The following SLC1A3 variants were observed in gnomAD, a reference collection of about 807,000 sequenced individuals.
SLC1A3 encodes the protein excitatory amino acid transporter 1.
A neutral mutation model predicts 48.1 loss-of-function variants in SLC1A3; 21 were observed. The ratio of observed to expected loss-of-function variants is 0.44; its 90% CI spans 0.31 to 0.63. The LOEUF is 0.63. SLC1A3 is among the 20% of genes least tolerant of loss of function. SLC1A3 has a pLI of 0.08. For synonymous variants in SLC1A3, 239 were observed against 251.4 expected, an observed-to-expected ratio of 0.95 and a Z score of 0.47; for missense variants, 546 against 689.0, an observed-to-expected ratio of 0.79 and a Z score of 2.32.
In SLC1A3 at chr5:36,683,400, ATT is replaced by A. The variant is rs11284735; in HGVS notation, c.1290-452_1290-451del. Among the ~76,000 whole-genome samples, 637 of 148,904 alleles carry A rather than the reference ATT, an allele frequency of 4.3e-3. 11 individuals are homozygous for A. The highest frequency in any genetic ancestry group is 0.015 in the African/African-American group (607 of 40,778). ...ATTAGTTAGCATGATGATTAGTTCAATTTTTTTTTTTTTAATCTCATTTACGG... is the reference window on the plus strand; with the variant it reads ...ATTAGTTAGCATGATGATTAGTTCAATTTTTTTTTTTAATCTCATTTACGG... On this transcript the variant is annotated intron_variant, in intron 8 of 9. Transcript: ENST00000265113.
At chr5:36,642,219 A>G (rs1579987007) in intron 3 of SLC1A3, among the ~76,000 whole-genome samples, 1 of 152,338 alleles carries the variant, frequency 6.6e-6, no homozygotes, top group East Asian at 1.9e-4. Flanking sequence ...AAGTCACCAT[A>G]TAACTTCCCG....
intron 3 of SLC1A3, among the ~76,000 whole-genome samples, chr5:36,659,908 C>T (rs1307337933): frequency 3.3e-5 from 5 of 152,204 alleles, no homozygotes; most frequent in African/African-American, 9.6e-5. Context: ...CTGAATGTAA[C>T]TTCACTACCT....
intron 3 of SLC1A3, among the ~76,000 whole-genome samples, chr5:36,659,053 A>G (rs146262729): frequency 0.015 from 2,253 of 152,298 alleles, 24 homozygotes; most frequent in Non-Finnish European, 0.023. Context: ...TACTATCACA[A>G]TTCCACATTG....
chr5:36,622,802 G>A (rs1383654428), intron 2 of SLC1A3, among the ~76,000 whole-genome samples: 1 of 152,072 alleles, frequency 6.6e-6, no homozygotes, highest in South Asian at 2.1e-4. Context: ...ACGAGGTCAG[G>A]AGATCGAGAC....
chr5:36,665,802 A>G (rs1161577163), intron 3 of SLC1A3, among the ~76,000 whole-genome samples: 1 of 152,128 alleles, frequency 6.6e-6, no homozygotes, highest in Non-Finnish European at 1.5e-5. Flanking sequence ...ACTCTTAACC[A>G]CTGTGCCACT....
rs567851784 is a variant in SLC1A3 at position 36,649,926 on chromosome 5, T to C, written c.319+20339T>C. Among the ~76,000 whole-genome samples, 5 of 152,368 alleles carry C rather than the reference T, an allele frequency of 3.3e-5. No individual in the cohort carries two copies. The South Asian group carries it at 8.3e-4, about 25-fold the overall frequency. Reference sequence around the variant, plus strand: ...ATGGGCCTTCCCCATTGAAAATCACTGTGTGAGTTTTCCAAAAACAATTAA... The same window carrying C: ...ATGGGCCTTCCCCATTGAAAATCACCGTGTGAGTTTTCCAAAAACAATTAA... On this transcript the variant is annotated intron_variant, in intron 3 of 9. Coordinates refer to ENST00000265113, the MANE Select transcript of SLC1A3 (RefSeq NM_004172.5).
chr5:36,607,782 A>G (rs1464987027), intron 1 of SLC1A3, among the ~76,000 whole-genome samples: 1 of 152,222 alleles, frequency 6.6e-6, no homozygotes, highest in Non-Finnish European at 1.5e-5. Flanking sequence ...TTTTATGACC[A>G]TATTTACTAG....
At chr5:36,677,224 G>T in intron 6 of SLC1A3, 40 bp downstream of exon 6, 1 of 1,558,420 alleles carries the variant, frequency 6.4e-7, no homozygotes, top group South Asian at 1.1e-5. Flanking sequence ...TATACGAGAT[G>T]GTTATTGCCA....
Position 36,650,519 on chromosome 5 carries a change from C to T in SLC1A3, c.320-20510C>T, listed in dbSNP as rs141847541. ...TAGCTCTCACATTCTCTATCACCAG[C>T]TTTATCTCTGTCTTCCTTTCCCACC... is the stretch of plus-strand genomic sequence containing the variant. On this transcript the variant is annotated intron_variant, in intron 3 of 9. Coordinates refer to ENST00000265113, the MANE Select transcript of SLC1A3 (RefSeq NM_004172.5). Among the ~76,000 whole-genome samples, 143 of 152,278 alleles carry T rather than the reference C, an allele frequency of 9.4e-4. 2 individuals carry two copies. In the East Asian group the frequency reaches 0.02, roughly 22 times the overall value.
At chr5:36,598,530 A>G (rs984723332) in intron 1 of SLC1A3, among the ~76,000 whole-genome samples, 4 of 152,256 alleles carry the variant, frequency 2.6e-5, no homozygotes, top group East Asian at 1.9e-4. Flanking sequence ...AGACTCTTCT[A>G]TAAAGAGCAA....
chr5:36,673,952 T>C, intron 4 of SLC1A3, 97 bp from the exon 5 acceptor site: 1 of 949,876 alleles, frequency 1.1e-6, no homozygotes, highest in Non-Finnish European at 1.7e-6. Context: ...TGTTGCTTGG[T>C]TCAATGCAAT....
chr5:36,685,067 G>A (rs1034576081), intron 9 of SLC1A3, among the ~76,000 whole-genome samples: 1 of 151,830 alleles, frequency 6.6e-6, no homozygotes, highest in East Asian at 1.9e-4. Flanking sequence ...TGATCTATAT[G>A]GGTTGTATCT....
chr5:36,652,470 C>G (rs1379134545), intron 3 of SLC1A3, among the ~76,000 whole-genome samples: 3 of 152,088 alleles, frequency 2.0e-5, no homozygotes, highest in African/African-American at 7.2e-5. Flanking sequence ...GGCATCTCTC[C>G]CTCCCCTGCA....
intron 9 of SLC1A3, among the ~76,000 whole-genome samples, chr5:36,684,223 C>T (rs1295703604): frequency 6.6e-6 from 1 of 152,250 alleles, no homozygotes; most frequent in Non-Finnish European, 1.5e-5. Flanking sequence ...GCACATCTGG[C>T]TGCCACACAT....
chr5:36,623,677 A>C (rs1342227825), intron 2 of SLC1A3, among the ~76,000 whole-genome samples: 1 of 150,580 alleles, frequency 6.6e-6, no homozygotes, highest in Non-Finnish European at 1.5e-5. Context: ...AACAATGTGA[A>C]ATACCGTCTC....
chr5:36,612,020 C>T (rs971858971), intron 2 of SLC1A3, among the ~76,000 whole-genome samples: 7 of 152,136 alleles, frequency 4.6e-5, no homozygotes, highest in African/African-American at 1.7e-4. Context: ...AAGGCATTCA[C>T]AAACACAGTA....
intron 1 of SLC1A3, among the ~76,000 whole-genome samples, chr5:36,597,129 C>T (rs753006413): frequency 3.3e-5 from 5 of 150,762 alleles, no homozygotes. Flanking sequence ...GGTGTTACTG[C>T]TCGTTCTGCC....
At chr5:36,681,158 A>G (rs1211811213) in intron 8 of SLC1A3, among the ~76,000 whole-genome samples, 1 of 152,220 alleles carries the variant, frequency 6.6e-6, no homozygotes, top group Non-Finnish European at 1.5e-5. Context: ...TCTGTAAGTG[A>G]CCATTGTTCA....
At position 36,676,947 on chromosome 5, in the gene SLC1A3, C is replaced by T. The variant is rs778074144; in HGVS notation, c.623C>T (p.Thr208Met). 1.0e-4 allele frequency: 166 copies of T among 1,613,822 alleles called. No homozygotes were observed. The highest frequency in any genetic ancestry group is 1.4e-4 in the Non-Finnish European group (160 of 1,179,902). ...AAAGTGCCCATCCAGGCCAACGAAA[C>T]GCTTGTGGGTGCTGTGATAAACAAT... ...SFKVPIQANE[T>M]LVGAVINNVS... Residue 208 changes from threonine (T) to methionine (M), a missense_variant, in exon 6 of 10, where the codon ACG becomes ATG. Thr to Met is a moderately conservative substitution (Grantham distance 81, BLOSUM62 -1). Around this residue, in one of 3 missense-constraint regions of SLC1A3, gnomAD observed 348 missense variants for 392.0 expected, o/e 0.89. Coordinates refer to ENST00000265113, the MANE Select transcript of SLC1A3 (RefSeq NM_004172.5).
Sources: gnomAD v4.1 joint callset for allele counts (sites outside exome capture counted in the v4.1 genomes callset) on GRCh38, gnomAD v4.1.1 for gene constraint, gnomAD v4.1.1 regional missense constraint, MANE v1.5 for transcripts, NCBI Gene and HGNC (gene_info 2026-07-23, HGNC 2026-07-21) for gene names.